DNAH10: variants seen among roughly 807,000 people sequenced by gnomAD.
The protein encoded by DNAH10 is axonemal beta dynein heavy chain 10.
A neutral mutation model predicts 506.6 loss-of-function variants in DNAH10; 348 were observed. The observed-to-expected ratio is 0.69, with a 90% CI of 0.63 to 0.75. The LOEUF is 0.75. Among genes scored for constraint, DNAH10 ranks in the 30% least tolerant of loss-of-function variants. DNAH10 has a pLI of 0.00. For synonymous variants in DNAH10, 2,059 were observed against 2,198.6 expected, an observed-to-expected ratio of 0.94 and a Z score of 1.78; for missense variants, 5,179 against 5,787.1, an observed-to-expected ratio of 0.89 and a Z score of 3.41.
intron 47 of DNAH10, 132 bp from the exon 48 acceptor site, chr12:123,877,604 C>T: frequency 7.8e-7 from 1 of 1,281,170 alleles, no homozygotes. Context: ...GCATGAGCCA[C>T]CGTGACTGGC....
At chr12:123,768,167 T>C (rs1237494732) in intron 2 of DNAH10, among the ~76,000 whole-genome samples, 1 of 151,988 alleles carries the variant, frequency 6.6e-6, no homozygotes, top group African/African-American at 2.4e-5. Context: ...AGGGTCTCGC[T>C]CTTGTCACCC....
intron 64 of DNAH10, among the ~76,000 whole-genome samples, chr12:123,918,244 T>A (rs1954572764): frequency 6.6e-6 from 1 of 152,214 alleles, no homozygotes; most frequent in African/African-American, 2.4e-5. Flanking sequence ...CCTCACGTCC[T>A]CTCGGGTCCA....
In DNAH10 at chr12:123,850,294, G is replaced by A. The variant is rs759649690; in HGVS notation, c.6103-594G>A. On this transcript the variant is annotated intron_variant, in intron 34 of 78. Coordinates refer to ENST00000673944, the MANE Select transcript of DNAH10 (RefSeq NM_001372106.1). The surrounding 1 kb of genome is among the most constrained non-coding windows in gnomAD (Gnocchi z 5.5). Reference sequence around the variant, plus strand: ...TTCAGCTAAAAAGGCTAAGAATATAGGGATTTCCGTGGTTTGTTGGTACCT... The same window carrying A: ...TTCAGCTAAAAAGGCTAAGAATATAAGGATTTCCGTGGTTTGTTGGTACCT... Among the ~76,000 whole-genome samples, 7 of 151,964 alleles carry A rather than the reference G, an allele frequency of 4.6e-5. No individual in the cohort carries two copies. Among genetic ancestry groups the A allele is most frequent in the Non-Finnish European group, 1.0e-4 (7 of 67,988 alleles).
Position 123,919,643 on chromosome 12 carries a change from A to G in DNAH10, c.11506+694A>G, listed in dbSNP as rs538602556. Reference sequence around the variant, plus strand: ...TGGCCCCCCACTCCTAGTCCCTGGCAGTCACCGCTCTGCCTTCCATCTGTA... The same window carrying G: ...TGGCCCCCCACTCCTAGTCCCTGGCGGTCACCGCTCTGCCTTCCATCTGTA... On this transcript the variant is annotated intron_variant, in intron 65 of 78. Coordinates refer to ENST00000673944, the MANE Select transcript of DNAH10 (RefSeq NM_001372106.1). This position sits in a 1 kb window ranked among gnomAD's most constrained non-coding sequence, Gnocchi z 4.9. Among the ~76,000 whole-genome samples, 1 of 152,274 alleles carries G rather than the reference A, an allele frequency of 6.6e-6. No homozygotes were observed. Among genetic ancestry groups the G allele is most frequent in the Non-Finnish European group, 1.5e-5 (1 of 68,028 alleles).
chr12:123,840,411 T>G (rs1367988634), intron 29 of DNAH10, among the ~76,000 whole-genome samples: 9 of 141,266 alleles, frequency 6.4e-5, no homozygotes, highest in Non-Finnish European at 1.4e-4. Context: ...TTTTTTTTTT[T>G]TTTTTTTTTT....
At chr12:123,786,681 G>GTGTGTGTGTGCACACACA (rs150020475) in intron 9 of DNAH10, among the ~76,000 whole-genome samples, 23 of 125,536 alleles carry the variant, frequency 1.8e-4, no homozygotes, top group Admixed American at 1.6e-4. Flanking sequence ...ATGTGTGTGT[G>GTGTGTGTGTGCACACACA]CACACACATA....
At chr12:123,851,687 C>T (rs769040200) in intron 35 of DNAH10, among the ~76,000 whole-genome samples, 25 of 152,318 alleles carry the variant, frequency 1.6e-4, no homozygotes, top group Admixed American at 2.0e-4. Context: ...CTCTCTATGG[C>T]GTGTGCGTGT....
At chr12:123,871,854 C>T (rs1397399920) in intron 45 of DNAH10, among the ~76,000 whole-genome samples, 1 of 152,206 alleles carries the variant, frequency 6.6e-6, no homozygotes, top group Non-Finnish European at 1.5e-5. Context: ...TGGCTGGAGG[C>T]TGGAGGCCTC....
intron 30 of DNAH10, among the ~76,000 whole-genome samples, chr12:123,845,215 T>C (rs2136652067): frequency 6.6e-6 from 1 of 152,222 alleles, no homozygotes; most frequent in Admixed American, 6.5e-5. Flanking sequence ...CCCAGGCTAG[T>C]CTTGAACTCC....
chr12:123,771,109 A>G (rs956852813), intron 2 of DNAH10, among the ~76,000 whole-genome samples: 1 of 150,782 alleles, frequency 6.6e-6, no homozygotes, highest in African/African-American at 2.4e-5. Context: ...AGCTGCGATT[A>G]CAGGCATGCA....
chr12:123,779,249 C>G (rs1469266057), intron 5 of DNAH10, among the ~76,000 whole-genome samples: 1 of 151,994 alleles, frequency 6.6e-6, no homozygotes, highest in Non-Finnish European at 1.5e-5. Flanking sequence ...CTATGTTGCC[C>G]CGGCTGTTCT....
intron 23 of DNAH10, among the ~76,000 whole-genome samples, chr12:123,820,210 T>C (rs1959246215): frequency 6.6e-6 from 1 of 152,084 alleles, no homozygotes; most frequent in South Asian, 2.1e-4. Context: ...GTCATTGGAA[T>C]TGGGGGAGAA....
In DNAH10 at chr12:123,914,346, ATGAGC is replaced by A; in HGVS notation, c.10374_10378del (p.Glu3458AspfsTer30). On this transcript the variant is annotated frameshift_variant, in exon 61 of 79. Transcript: ENST00000673944. LOFTEE classifies it high-confidence loss of function. ...CGTGCCAGGTGGCTGAACGACCTGG[ATGAGC>A]TGATGCACCGGCGCGTGAAGCTGCT... 6.2e-7 allele frequency: 1 copy of A among 1,612,956 alleles called. No homozygotes were observed. Among genetic ancestry groups the A allele is most frequent in the Non-Finnish European group, 8.5e-7 (1 of 1,179,776 alleles).
intron 10 of DNAH10, 142 bp downstream of exon 10, chr12:123,788,144 A>AT: frequency 1.0e-6 from 1 of 964,046 alleles, no homozygotes; most frequent in Non-Finnish European, 1.6e-6. Flanking sequence ...AACCTACGGA[A>AT]TATACTAGAA....
intron 18 of DNAH10, among the ~76,000 whole-genome samples, 170 bp from the exon 19 acceptor site, chr12:123,808,627 C>CA (rs1958805988): frequency 6.6e-6 from 1 of 151,898 alleles, no homozygotes; most frequent in African/African-American, 2.4e-5. Context: ...AAATTTAGTG[C>CA]AAAAAAAGAG....
intron 6 of DNAH10, among the ~76,000 whole-genome samples, chr12:123,781,796 C>T (rs1266051410): frequency 1.3e-5 from 2 of 152,102 alleles, no homozygotes; most frequent in Non-Finnish European, 2.9e-5. Flanking sequence ...CATTTTTCTT[C>T]ATTGTTTTCT....
At chr12:123,814,051 GC>G in intron 21 of DNAH10, 139 bp downstream of exon 21, 1 of 725,850 alleles carries the variant, frequency 1.4e-6, no homozygotes, top group Non-Finnish European at 2.1e-6. Context: ...TAAATGTAAA[GC>G]AATGCCACTG....
chr12:123,782,209 C>T (rs1957680232), intron 6 of DNAH10, among the ~76,000 whole-genome samples: 1 of 151,256 alleles, frequency 6.6e-6, no homozygotes, highest in Admixed American at 6.6e-5. Context: ...ACCTCTGATT[C>T]TCTGATTGTA....
rs1432078167 is a variant in DNAH10 at position 123,928,430 on chromosome 12, G to A, written c.12149G>A (p.Trp4050Ter). ...GAGACGGCGGTGGCTCGGGGGCAGT[G>A]GCTGATGCTGCAGAACTGCCACCTC... ...LLETAVARGQ[W>*]LMLQNCHLLV... The change falls in exon 70 of 79, where the codon TGG becomes TAG. Residue 4050 changes from tryptophan (W) to a stop codon, truncating the protein, a stop_gained. Coordinates refer to ENST00000673944, the MANE Select transcript of DNAH10 (RefSeq NM_001372106.1). LOFTEE classifies it high-confidence loss of function. The surrounding 1 kb of genome is among the most constrained non-coding windows in gnomAD (Gnocchi z 4.9). 6.2e-7 allele frequency: 1 copy of A among 1,607,488 alleles called. No homozygotes were observed.
Sources: gnomAD v4.1 joint callset for allele counts (sites outside exome capture counted in the v4.1 genomes callset) on GRCh38, gnomAD v4.1.1 for gene constraint, Gnocchi (gnomAD v3.1) non-coding constraint, MANE v1.5 for transcripts, NCBI Gene and HGNC (gene_info 2026-07-23, HGNC 2026-07-21) for gene names.